Variants in FHIT observed in about 807,000 individuals in gnomAD.
FHIT encodes the protein bis(5'-adenosyl)-triphosphatase.
Under a neutral mutation model 17.9 loss-of-function variants are expected in FHIT, and 19 were observed. The observed-to-expected ratio is 1.06, with a 90% CI of 0.74 to 1.56. The LOEUF is 1.56. FHIT is among the 40% of genes most tolerant of loss of function. The pLI, the probability that FHIT is intolerant of heterozygous loss-of-function variation, is 0.00. For synonymous variants in FHIT, 81 were observed against 69.7 expected (o/e 1.16, Z -0.81); for missense variants, 248 against 189.2 (o/e 1.31, Z -1.82).
At chr3:61,152,424 T>C (rs1382000073) in intron 2 of FHIT, among the ~76,000 whole-genome samples, 3 of 152,236 alleles carry the variant, frequency 2.0e-5, no homozygotes, top group African/African-American at 7.2e-5. Flanking sequence ...AGAAGAACAG[T>C]AGTTTCCATT....
intron 3 of FHIT, among the ~76,000 whole-genome samples, chr3:60,841,196 G>C (rs1241326635): frequency 1.3e-5 from 2 of 152,110 alleles, no homozygotes; most frequent in African/African-American, 4.8e-5. Context: ...GTCTTGTTTA[G>C]AAGAAATGGA....
At chr3:60,617,746 A>G (rs71313784) in intron 4 of FHIT, 17,533 of 153,860 alleles carry the variant, frequency 0.11, 1,198 homozygotes, top group Non-Finnish European at 0.15. Flanking sequence ...AGATGTGGGG[A>G]AAAAAAGTTA....
intron 5 of FHIT, among the ~76,000 whole-genome samples, chr3:60,265,101 C>T (rs150857779): frequency 4.6e-4 from 70 of 151,962 alleles, no homozygotes; most frequent in African/African-American, 1.6e-3. Flanking sequence ...TCTTCAATGG[C>T]TCCTTTCAAT....
At chr3:60,372,285 C>T (rs536314321) in intron 5 of FHIT, among the ~76,000 whole-genome samples, 1 of 152,146 alleles carries the variant, frequency 6.6e-6, no homozygotes, top group Non-Finnish European at 1.5e-5. Flanking sequence ...TCCAAATTTA[C>T]CTGAGCATAG....
chr3:60,171,358 C>CT (rs1701408469), intron 5 of FHIT, among the ~76,000 whole-genome samples: 1 of 152,118 alleles, frequency 6.6e-6, no homozygotes, highest in African/African-American at 2.4e-5. Flanking sequence ...TTTATGTGTA[C>CT]TTGGAGCCTT....
At chr3:60,772,546 G>A (rs185302298) in intron 4 of FHIT, among the ~76,000 whole-genome samples, 94 of 152,098 alleles carry the variant, frequency 6.2e-4, no homozygotes, top group Admixed American at 1.7e-3. Context: ...CCTGTCTTTA[G>A]CATTCAAGCT....
intron 1 of FHIT, among the ~76,000 whole-genome samples, chr3:61,211,665 C>G (rs1430752501): frequency 6.6e-6 from 1 of 152,244 alleles, no homozygotes; most frequent in African/African-American, 2.4e-5. Context: ...GTTCTCCCAG[C>G]ACGCAGCCAG....
At chr3:61,155,900 G>A (rs1315391865) in intron 2 of FHIT, among the ~76,000 whole-genome samples, 2 of 151,880 alleles carry the variant, frequency 1.3e-5, no homozygotes, top group African/African-American at 2.4e-5. Context: ...CACTGTGCCC[G>A]AACTGTTTGT....
At chr3:59,806,339 G>T (rs1467636851) in intron 8 of FHIT, among the ~76,000 whole-genome samples, 1 of 152,114 alleles carries the variant, frequency 6.6e-6, no homozygotes, top group Non-Finnish European at 1.5e-5. Context: ...TAAGGTAACT[G>T]AGGCACAGGG....
intron 7 of FHIT, among the ~76,000 whole-genome samples, chr3:59,977,325 C>G (rs568918202): frequency 1.8e-4 from 27 of 152,230 alleles, no homozygotes; most frequent in Admixed American, 1.3e-3. Context: ...GAAGGCTCTC[C>G]TAGCAAAGAT....
chr3:59,950,752 G>C (rs1034308288), intron 7 of FHIT, among the ~76,000 whole-genome samples: 19 of 152,110 alleles, frequency 1.2e-4, no homozygotes, highest in African/African-American at 4.6e-4. Flanking sequence ...CCAGGCAACA[G>C]GCAAAAATGT....
At chr3:60,241,526 T>TGGA in intron 5 of FHIT, among the ~76,000 whole-genome samples, 1 of 152,278 alleles carries the variant, frequency 6.6e-6, no homozygotes, top group Non-Finnish European at 1.5e-5. Flanking sequence ...ACTATCTTCC[T>TGGA]ATTAATCTGT....
At chr3:60,949,011 AAAAACTTATAGT>A (rs1553776467) in intron 3 of FHIT, among the ~76,000 whole-genome samples, 2 of 152,224 alleles carry the variant, frequency 1.3e-5, no homozygotes, top group African/African-American at 4.8e-5. Flanking sequence ...CATTAAAAAA[AAAAACTTATAGT>A]TGTATATAGT....
At chr3:60,925,753 G>C (rs200039451) in intron 3 of FHIT, among the ~76,000 whole-genome samples, 1 of 152,124 alleles carries the variant, frequency 6.6e-6, no homozygotes, top group South Asian at 2.1e-4. Context: ...CCAGTTAAAA[G>C]ACACAGACTG....
At chr3:60,365,435 G>T (rs6791718) in intron 5 of FHIT, among the ~76,000 whole-genome samples, 111,074 of 151,866 alleles carry the variant, frequency 0.73, 41,801 homozygotes, top group African/African-American at 0.92. Flanking sequence ...CACAATTCAC[G>T]TTTTAAAATA....
intron 5 of FHIT, among the ~76,000 whole-genome samples, chr3:60,307,441 G>C (rs1246773302): frequency 1.3e-5 from 2 of 152,158 alleles, no homozygotes; most frequent in Admixed American, 6.5e-5. Flanking sequence ...CATTCTCACT[G>C]ATACAGGGGA....
intron 3 of FHIT, among the ~76,000 whole-genome samples, chr3:60,975,065 G>C (rs1212404599): frequency 6.6e-6 from 1 of 152,134 alleles, no homozygotes; most frequent in African/African-American, 2.4e-5. Context: ...CAGGAGAAAG[G>C]CTGCAAATAA....
rs1491397783 is a variant in FHIT, at chr3:60,237,261, C to CTTT, written c.104-223110_104-223109insAAA. On this transcript the variant is annotated intron_variant, in intron 5 of 9. Transcript: ENST00000492590. ...TGAATATTAACAGGTTTTGTTTTTC[C>CTTT]ATTTTTTTTTTTTTTTTTTTGGTTA... Among the ~76,000 whole-genome samples the CTTT allele has an allele frequency of 6.5e-5, 8 of 123,572 alleles. 1 individual carries two copies. The highest frequency in any genetic ancestry group is 7.0e-5 in the African/African-American group (2 of 28,630). 81.1% of individuals were successfully genotyped at this position (123,572 alleles called of 152,430 possible). A position where few individuals can be genotyped will look rare whatever the true frequency, so the allele number is the denominator to read the frequency against.
chr3:59,996,978 T>C (rs374699551), intron 7 of FHIT, among the ~76,000 whole-genome samples: 60 of 152,286 alleles, frequency 3.9e-4, no homozygotes, highest in African/African-American at 1.4e-3. Context: ...TTTCACATTC[T>C]GCAAACTTCA....
Sources: allele counts gnomAD v4.1 joint callset (sites outside exome capture counted in the v4.1 genomes callset), GRCh38; gene constraint gnomAD v4.1.1; transcripts MANE v1.5; gene names NCBI Gene and HGNC (gene_info 2026-07-23, HGNC 2026-07-21).